The following PDGFRA variants were observed in gnomAD, a reference collection of about 807,000 sequenced individuals.
The protein encoded by PDGFRA is platelet derived growth factor receptor alpha.
PDGFRA carries 25 observed loss-of-function variants against 121.5 expected under a neutral mutation model. That is an observed-to-expected ratio of 0.21 (90% CI 0.15 to 0.29). PDGFRA has a LOEUF of 0.29. Ranked by LOEUF, PDGFRA falls within the 10% of genes least tolerant of loss-of-function variation. The pLI, the probability that PDGFRA is intolerant of heterozygous loss-of-function variation, is 1.00. For missense variants in PDGFRA, 1,008 were observed against 1,345.1 expected (o/e 0.75, Z 3.92); for synonymous variants, 463 against 494.8 (o/e 0.94, Z 0.85).
intron 22 of PDGFRA, among the ~76,000 whole-genome samples, chr4:54,294,351 G>T (rs1302535102): frequency 1.3e-5 from 2 of 152,010 alleles, no homozygotes; most frequent in Non-Finnish European, 2.9e-5. Context: ...TTGTAAGAGG[G>T]TTCTGCTTTT....
chr4:54,284,332 A>G lies in PDGFRA; in HGVS notation c.2324-1039A>G, dbSNP rs554051099. Among the ~76,000 whole-genome samples the G allele has an allele frequency of 2.0e-5, 3 of 152,274 alleles. No homozygotes were observed. In the East Asian group the frequency reaches 5.8e-4, roughly 29 times the overall value. On this transcript the variant is annotated intron_variant, in intron 16 of 22. Transcript: ENST00000257290. ...CTGTTACCCAGTTATCTTTACAGCA[A>G]TTCCCCATTCCTTGATACCAATTTT... is the stretch of plus-strand genomic sequence containing the variant.
chr4:54,291,986 C>T (rs1200734663), intron 22 of PDGFRA, among the ~76,000 whole-genome samples: 1 of 152,120 alleles, frequency 6.6e-6, no homozygotes. Flanking sequence ...TCCCACCAGT[C>T]AGAATGGCTA....
chr4:54,249,436 A>G (rs977973691), intron 1 of PDGFRA, among the ~76,000 whole-genome samples: 1 of 152,344 alleles, frequency 6.6e-6, no homozygotes, highest in African/African-American at 2.4e-5. Flanking sequence ...CATATACACC[A>G]TGGAATAGTA....
At chr4:54,294,960 T>C (rs1469010716) in intron 22 of PDGFRA, among the ~76,000 whole-genome samples, 165 bp from the exon 23 acceptor site, 1 of 152,172 alleles carries the variant, frequency 6.6e-6, no homozygotes, top group African/African-American at 2.4e-5. Flanking sequence ...GGACCTTGGT[T>C]TTCCACGTGG....
chr4:54,265,118 T>C (rs778012822), intron 5 of PDGFRA, 69 bp downstream of exon 5: 61 of 1,481,260 alleles, frequency 4.1e-5, no homozygotes, highest in Non-Finnish European at 5.7e-5. Flanking sequence ...GCATTTGAGC[T>C]CGGTCTGTCA....
chr4:54,260,397 G>GTTTTTTTTTTTTTTT lies in PDGFRA; in HGVS notation c.50-683_50-669dup, dbSNP rs68009440. Among the ~76,000 whole-genome samples the GTTTTTTTTTTTTTTT allele has an allele frequency of 2.8e-4, 18 of 64,602 alleles. 2 individuals are homozygous for GTTTTTTTTTTTTTTT. Among genetic ancestry groups the GTTTTTTTTTTTTTTT allele is most frequent in the African/African-American group, 1.2e-3 (18 of 14,796 alleles). 42.4% of individuals were successfully genotyped at this position (64,602 alleles called of 152,430 possible). On this transcript the variant is annotated intron_variant, in intron 2 of 22. Transcript: ENST00000257290. ...TTGCCTCCATTCTTATTCCATGTGG[G>GTTTTTTTTTTTTTTT]TTTTTTTTTTTTTTTTTTTTTTTTT...
At chr4:54,287,016 A>G (rs1282555994) in intron 18 of PDGFRA, among the ~76,000 whole-genome samples, 1 of 152,102 alleles carries the variant, frequency 6.6e-6, no homozygotes, top group Non-Finnish European at 1.5e-5. Flanking sequence ...GCCTGCATCC[A>G]TGCTGTGTGT....
intron 7 of PDGFRA, among the ~76,000 whole-genome samples, chr4:54,268,472 A>C (rs1723161243): frequency 6.6e-6 from 1 of 152,248 alleles, no homozygotes; most frequent in Non-Finnish European, 1.5e-5. Context: ...TACATCTCAC[A>C]GCACCCAGCT....
rs1723542342 is a variant in PDGFRA, at chr4:54,273,686, A to G, written c.1514A>G (p.Asn505Ser). The G allele has an allele frequency of 6.2e-7, 1 of 1,614,030 alleles. No individual in the cohort carries two copies. The highest frequency in any genetic ancestry group is 2.2e-5 in the East Asian group (1 of 44,876). Residue 505 changes from asparagine to serine, a missense_variant, in exon 10 of 23, where the codon AAT becomes AGT. Around this residue, in one of 5 missense-constraint regions of PDGFRA, gnomAD observed 575 missense variants for 701.8 expected, o/e 0.82. Transcript: ENST00000257290. Reference sequence around the variant, plus strand: ...ATCGCCGTGCGATGCCTGGCTAAGAATCTCCTTGGAGCTGAGAACCGAGAG... The same window carrying G: ...ATCGCCGTGCGATGCCTGGCTAAGAGTCTCCTTGGAGCTGAGAACCGAGAG... The part of the protein sequence containing the change: ...ETIAVRCLAK[N>S]LLGAENRELK...
chr4:54,256,024 CAGG>C (rs1479337829), intron 1 of PDGFRA, among the ~76,000 whole-genome samples: 6 of 151,988 alleles, frequency 3.9e-5, no homozygotes, highest in African/African-American at 1.4e-4. Context: ...GCTGCATTCC[CAGG>C]AGGTTAGGCA....
intron 1 of PDGFRA, among the ~76,000 whole-genome samples, chr4:54,258,269 C>T (rs1327799479): frequency 6.6e-6 from 1 of 152,108 alleles, no homozygotes; most frequent in African/African-American, 2.4e-5. Context: ...GCCTCAGTAT[C>T]ACAAAGGCCT....
At chr4:54,281,485 C>G (rs973418409) in intron 16 of PDGFRA, 2 of 804,488 alleles carry the variant, frequency 2.5e-6, no homozygotes, top group African/African-American at 3.6e-5. Context: ...GGGTGAACTT[C>G]CAAGCGCTTT....
intron 1 of PDGFRA, among the ~76,000 whole-genome samples, chr4:54,246,750 A>T (rs1721694869): frequency 6.6e-6 from 1 of 151,882 alleles, no homozygotes; most frequent in South Asian, 2.1e-4. Context: ...GACACAAAAA[A>T]CCCTTCAAAA....
At chr4:54,254,103 T>C (rs181850632) in intron 1 of PDGFRA, among the ~76,000 whole-genome samples, 1 of 152,286 alleles carries the variant, frequency 6.6e-6, no homozygotes, top group Non-Finnish European at 1.5e-5. Flanking sequence ...AGAATGAGCA[T>C]TTAGAGTAGA....
intron 12 of PDGFRA, among the ~76,000 whole-genome samples, chr4:54,275,752 C>T (rs1028758187): frequency 3.9e-5 from 6 of 152,206 alleles, no homozygotes; most frequent in African/African-American, 7.2e-5. Context: ...AGAGTGAAAT[C>T]ACCTTTGCAA....
rs1429156984 is a variant in PDGFRA at position 54,297,706 on chromosome 4, T to C, written c.*2434T>C. 2 of 233,540 alleles carry C rather than the reference T, an allele frequency of 8.6e-6. No individual in the cohort carries two copies. Among genetic ancestry groups the C allele is most frequent in the East Asian group, 6.0e-5 (1 of 16,584 alleles). 14.5% of individuals were successfully genotyped at this position (233,540 alleles called of 1,614,324 possible). On this transcript the variant is annotated 3_prime_UTR_variant, in exon 23 of 23. Transcript: ENST00000257290. Reference sequence around the variant, plus strand: ...ATTCCAGATTTGTTTCCTTTTGGCCTCCTGCAAAGTCTCCAGAAGAAAATT... The same window carrying C: ...ATTCCAGATTTGTTTCCTTTTGGCCCCCTGCAAAGTCTCCAGAAGAAAATT...
intron 1 of PDGFRA, among the ~76,000 whole-genome samples, chr4:54,244,378 G>A (rs1721495913): frequency 6.6e-6 from 1 of 152,186 alleles, no homozygotes; most frequent in Non-Finnish European, 1.5e-5. Flanking sequence ...AACTTCCAGA[G>A]GAATGATCAG....
In PDGFRA at chr4:54,280,465, A is replaced by G. The variant is rs373061721; in HGVS notation, c.2306A>G (p.Lys769Arg). Residue 769 changes from lysine to arginine, a missense_variant, in exon 16 of 23, where the codon AAG becomes AGG. By Grantham distance (26) the Lys-to-Arg change is conservative. Around this residue, in one of 5 missense-constraint regions of PDGFRA, gnomAD observed 128 missense variants for 147.6 expected, o/e 0.87. Coordinates refer to ENST00000257290, the MANE Select transcript of PDGFRA (RefSeq NM_006206.6). ...CTCTATGATCGTCCAGCCTCATATAAGAAGAAATCTATGTTAGGTAAAAGT... is the reference window on the plus strand; with the variant it reads ...CTCTATGATCGTCCAGCCTCATATAGGAAGAAATCTATGTTAGGTAAAAGT... ...RSLYDRPASY[K>R]KKSMLDSEVK... 8 of 1,613,514 alleles carry G rather than the reference A, an allele frequency of 5.0e-6. No individual in the cohort carries two copies. The highest frequency in any genetic ancestry group is 6.8e-6 in the Non-Finnish European group (8 of 1,179,494).
chr4:54,285,929 T>C lies in PDGFRA; in HGVS notation c.2528T>C (p.Ile843Thr). The change falls in exon 18 of 23, where the codon ATC becomes ACC. Residue 843 changes from isoleucine (I) to threonine (T), a missense_variant. This residue lies in a region of PDGFRA where 40 missense variants were observed against 127.4 expected (regional missense o/e 0.31). Coordinates refer to ENST00000257290, the MANE Select transcript of PDGFRA (RefSeq NM_006206.6). ...TGTGACTTTGGCCTGGCCAGAGACA[T>C]CATGCATGATTCGAACTATGTGTCG... ...KICDFGLARD[I>T]MHDSNYVSKG... 1 of 1,614,104 alleles carries C rather than the reference T, an allele frequency of 6.2e-7. No individual in the cohort carries two copies. Among genetic ancestry groups the C allele is most frequent in the Non-Finnish European group, 8.5e-7 (1 of 1,179,940 alleles).
Sources: gnomAD v4.1 joint callset for allele counts (sites outside exome capture counted in the v4.1 genomes callset) on GRCh38, gnomAD v4.1.1 for gene constraint, gnomAD v4.1.1 regional missense constraint, MANE v1.5 for transcripts, NCBI Gene and HGNC (gene_info 2026-07-23, HGNC 2026-07-21) for gene names.